The following DNMBP variants were observed in gnomAD, a reference collection of about 807,000 sequenced individuals.
DNMBP encodes dynamin-binding protein.
DNMBP carries 87 observed loss-of-function variants against 150.0 expected under a neutral mutation model. The observed-to-expected ratio is 0.58, with a 90% CI of 0.49 to 0.69. The LOEUF (loss-of-function observed/expected upper bound fraction) is 0.69. Ranked by LOEUF, DNMBP falls within the 30% of genes least tolerant of loss-of-function variation. The pLI, the probability that DNMBP is intolerant of heterozygous loss-of-function variation, is 0.00. For missense variants in DNMBP, 1,774 were observed against 1,949.0 expected, an observed-to-expected ratio of 0.91 and a Z score of 1.69; for synonymous variants, 711 against 750.4, an observed-to-expected ratio of 0.95 and a Z score of 0.86.
intron 1 of DNMBP, among the ~76,000 whole-genome samples, chr10:99,986,666 G>C (rs2133372083): frequency 1.7e-5 from 2 of 120,024 alleles, no homozygotes; most frequent in African/African-American, 6.3e-5. Context: ...ATTTAATGAA[G>C]AAAACGGACA....
chr10:99,942,007 C>T (rs1378853211), intron 4 of DNMBP, among the ~76,000 whole-genome samples: 1 of 152,138 alleles, frequency 6.6e-6, no homozygotes, highest in Non-Finnish European at 1.5e-5. Context: ...ATATTATTCC[C>T]CTGCTCAAAA....
rs746761361 is a variant in DNMBP, at chr10:99,908,136, C to A, written c.2455-42G>T. On this transcript the variant is annotated intron_variant, in intron 5 of 16. Coordinates refer to ENST00000324109, the MANE Select transcript of DNMBP (RefSeq NM_015221.4). ...AAACATAAAAATGCACGGAAATGAG[C>A]TTAATGGCATTTCAATCATCTTAGG... is the stretch of plus-strand genomic sequence containing the variant. 6 of 1,385,990 alleles carry A rather than the reference C, an allele frequency of 4.3e-6. No homozygotes were observed. In the South Asian group the frequency reaches 7.0e-5, roughly 16 times the overall value. 85.9% of individuals were successfully genotyped at this position (1,385,990 alleles called of 1,614,324 possible).
At chr10:99,906,823 C>G (rs2039832203) in intron 6 of DNMBP, among the ~76,000 whole-genome samples, 1 of 152,182 alleles carries the variant, frequency 6.6e-6, no homozygotes, top group African/African-American at 2.4e-5. Context: ...AGACTCCTGA[C>G]CTACAGAAGC....
chr10:99,969,323 T>A (rs2040652415), intron 2 of DNMBP, 86 bp from the exon 3 acceptor site: 4 of 1,419,996 alleles, frequency 2.8e-6, no homozygotes, highest in Non-Finnish European at 3.9e-6. Flanking sequence ...TTCTTCTGAG[T>A]CCATGTATAG....
At chr10:99,938,490 G>A (rs529264882) in intron 4 of DNMBP, among the ~76,000 whole-genome samples, 11 of 152,310 alleles carry the variant, frequency 7.2e-5, no homozygotes, top group African/African-American at 2.6e-4. Context: ...GTTGCAGTGA[G>A]CCAAGATGGG....
intron 4 of DNMBP, among the ~76,000 whole-genome samples, chr10:99,910,872 G>A (rs1484630057): frequency 6.6e-6 from 1 of 152,142 alleles, no homozygotes; most frequent in African/African-American, 2.4e-5. Context: ...TAAATAAATG[G>A]GGGAGAAGAG....
intron 4 of DNMBP, among the ~76,000 whole-genome samples, chr10:99,945,980 G>A (rs1351047547): frequency 3.9e-5 from 6 of 152,142 alleles, no homozygotes; most frequent in Non-Finnish European, 8.8e-5. Flanking sequence ...TAATTGAGAC[G>A]GAGTCTCGCT....
chr10:99,953,672 T>C lies in DNMBP; in HGVS notation c.2260+1542A>G, dbSNP rs1433462814. On this transcript the variant is annotated intron_variant, in intron 4 of 16. Transcript: ENST00000324109. The stretch of plus-strand genomic sequence containing the variant: ...CCATCTCTGCTAAAAATAGAAAAAT[T>C]AGCCAGGCGTGGTGGCATGCACCTG... 2.0e-5 allele frequency among the ~76,000 whole-genome samples: 3 copies of C among 151,992 alleles called. No individual in the cohort carries two copies. The East Asian group carries it at 5.8e-4, about 29-fold the overall frequency.
At chr10:99,971,073 C>T (rs748831888) in intron 2 of DNMBP, among the ~76,000 whole-genome samples, 6 of 140,906 alleles carry the variant, frequency 4.3e-5, no homozygotes, top group African/African-American at 7.9e-5. Context: ...TAGCACTGAA[C>T]ACAAAGGATA....
intron 4 of DNMBP, among the ~76,000 whole-genome samples, chr10:99,937,810 A>G (rs1177597701): frequency 2.0e-5 from 3 of 152,170 alleles, no homozygotes; most frequent in Non-Finnish European, 4.4e-5. Flanking sequence ...CCTAAACCCA[A>G]CAAAGATTGT....
intron 11 of DNMBP, among the ~76,000 whole-genome samples, chr10:99,893,955 C>G (rs2039614353): frequency 6.6e-6 from 1 of 151,986 alleles, no homozygotes; most frequent in Non-Finnish European, 1.5e-5. Context: ...CCATTTTATT[C>G]AGTTTAAAAA....
intron 3 of DNMBP, among the ~76,000 whole-genome samples, chr10:99,959,182 T>A (rs1300737919): frequency 1.3e-5 from 2 of 152,250 alleles, no homozygotes; most frequent in Admixed American, 6.5e-5. Flanking sequence ...GCTATACTTA[T>A]TTTTCATAAA....
chr10:99,973,637 C>A (rs2040699874), intron 1 of DNMBP, among the ~76,000 whole-genome samples: 1 of 152,174 alleles, frequency 6.6e-6, no homozygotes, highest in African/African-American at 2.4e-5. Flanking sequence ...AACAAATGTA[C>A]CACAACCTGA....
At chr10:99,938,473 G>A (rs940311443) in intron 4 of DNMBP, among the ~76,000 whole-genome samples, 1 of 152,218 alleles carries the variant, frequency 6.6e-6, no homozygotes, top group Non-Finnish European at 1.5e-5. Context: ...GAGCCTGGGA[G>A]GCGGAGGTTG....
At chr10:99,928,600 G>A (rs142522456) in intron 4 of DNMBP, among the ~76,000 whole-genome samples, 591 of 152,266 alleles carry the variant, frequency 3.9e-3, no homozygotes, top group South Asian at 0.031. Flanking sequence ...TGGCAAGAAA[G>A]AAAGAACCTC....
At chr10:100,002,635 C>T (rs1017404538) in intron 1 of DNMBP, among the ~76,000 whole-genome samples, 13 of 152,058 alleles carry the variant, frequency 8.5e-5, no homozygotes, top group African/African-American at 2.7e-4. Flanking sequence ...AAAAGCTGAC[C>T]TAATGGTGAA....
At chr10:99,881,203 G>A (rs1236104404) in intron 15 of DNMBP, among the ~76,000 whole-genome samples, 1 of 151,968 alleles carries the variant, frequency 6.6e-6, no homozygotes, top group Non-Finnish European at 1.5e-5. Context: ...ACTCCAACCT[G>A]GGCAACAAGA....
intron 4 of DNMBP, among the ~76,000 whole-genome samples, chr10:99,916,618 TA>T (rs1254519509): frequency 2.0e-5 from 3 of 151,416 alleles, no homozygotes; most frequent in African/African-American, 7.3e-5. Flanking sequence ...CAAAGAGGGA[TA>T]GGGGAGTAAA....
chr10:99,924,570 G>C (rs2133272385), intron 4 of DNMBP, among the ~76,000 whole-genome samples: 1 of 152,372 alleles, frequency 6.6e-6, no homozygotes, highest in East Asian at 1.9e-4. Context: ...TGATCTGCAA[G>C]CTCCTGCATG....
Sources: allele counts gnomAD v4.1 joint callset (sites outside exome capture counted in the v4.1 genomes callset), GRCh38; gene constraint gnomAD v4.1.1; transcripts MANE v1.5; gene names NCBI Gene and HGNC (gene_info 2026-07-23, HGNC 2026-07-21).